Variants in ADAM18 observed in about 807,000 individuals in gnomAD.
The protein encoded by ADAM18 is ADAM metallopeptidase domain 18.
Under a neutral mutation model 94.4 loss-of-function variants are expected in ADAM18, and 117 were observed. The observed-to-expected ratio is 1.24, with a 90% confidence interval of 1.07 to 1.45. The LOEUF (loss-of-function observed/expected upper bound fraction) is 1.45. Ranked by LOEUF, ADAM18 falls within the 40% of genes most tolerant of loss-of-function variation. The pLI is 0.00. For missense variants in ADAM18, 936 were observed against 880.0 expected, an observed-to-expected ratio of 1.06 and a Z score of -0.81; for synonymous variants, 327 against 291.6, an observed-to-expected ratio of 1.12 and a Z score of -1.24.
At chr8:39,702,848 G>T in intron 17 of ADAM18, among the ~76,000 whole-genome samples, 1 of 152,112 alleles carries the variant, frequency 6.6e-6, no homozygotes, top group East Asian at 1.9e-4. Flanking sequence ...TATGTGTTCT[G>T]TCCTTGTACC....
At chr8:39,724,361 G>A (rs758929813) in intron 19 of ADAM18, among the ~76,000 whole-genome samples, 13 of 151,714 alleles carry the variant, frequency 8.6e-5, no homozygotes, top group East Asian at 1.9e-4. Context: ...AAAGTTATTC[G>A]TAGTATTTTC....
chr8:39,704,392 G>C (rs1245032959), intron 17 of ADAM18, among the ~76,000 whole-genome samples: 1 of 152,022 alleles, frequency 6.6e-6, no homozygotes, highest in East Asian at 1.9e-4. Flanking sequence ...CAGGATGCAA[G>C]GTTGGTTCAA....
At chr8:39,683,175 C>T (rs1434203119) in intron 16 of ADAM18, among the ~76,000 whole-genome samples, 2 of 152,150 alleles carry the variant, frequency 1.3e-5, no homozygotes, top group African/African-American at 4.8e-5. Context: ...AAGAGTAATA[C>T]ATGGGAAGAA....
At chr8:39,719,888 T>C (rs925567523) in intron 18 of ADAM18, among the ~76,000 whole-genome samples, 1 of 151,496 alleles carries the variant, frequency 6.6e-6, no homozygotes, top group Non-Finnish European at 1.5e-5. Flanking sequence ...AAATCAGCTA[T>C]TATACAATTT....
At chr8:39,630,669 G>T (rs1412622540) in intron 7 of ADAM18, among the ~76,000 whole-genome samples, 1 of 151,754 alleles carries the variant, frequency 6.6e-6, no homozygotes, top group Non-Finnish European at 1.5e-5. Flanking sequence ...ACCACAATTT[G>T]GTGCTATTAT....
chr8:39,695,539 G>T (rs868281691), intron 17 of ADAM18, among the ~76,000 whole-genome samples: 2 of 151,292 alleles, frequency 1.3e-5, no homozygotes, highest in Middle Eastern at 6.8e-3. Context: ...TATCTTCTAT[G>T]ATGAAGCATC....
Position 39,585,303 on chromosome 8 carries a change from C to A in ADAM18, c.83C>A (p.Thr28Lys), listed in dbSNP as rs1185576063. The change falls in exon 2 of 20, where the codon ACA (threonine) becomes AAA (lysine). Residue 28 changes from threonine (T) to lysine (K), a missense_variant. By Grantham distance (78) the Thr-to-Lys change is moderately conservative. Coordinates refer to ENST00000265707, the MANE Select transcript of ADAM18 (RefSeq NM_014237.3). ...TCTGAAGGAATATTTCTGCATGTCA[C>A]AGTTCCACGGAAGATTAAGTCAAAT... ...EGSEGIFLHV[T>K]VPRKIKSNDS... The A allele has an allele frequency of 6.2e-7, 1 of 1,613,242 alleles. No homozygotes were observed. Among genetic ancestry groups the A allele is most frequent in the Non-Finnish European group, 8.5e-7 (1 of 1,179,688 alleles).
At chr8:39,692,106 A>T (rs1351656005) in intron 16 of ADAM18, among the ~76,000 whole-genome samples, 1 of 151,914 alleles carries the variant, frequency 6.6e-6, no homozygotes. Context: ...CCATAATAAA[A>T]GTTTTACAAG....
At chr8:39,620,358 A>C (rs1355307691) in intron 6 of ADAM18, among the ~76,000 whole-genome samples, 760 of 44,588 alleles carry the variant, frequency 0.017, 3 homozygotes, top group African/African-American at 0.069. Flanking sequence ...CAACAAAAGC[A>C]AAAAAAAAAA....
At position 39,585,355 on chromosome 8, in the gene ADAM18, A is replaced by G; in HGVS notation, c.132+3A>G. The G allele has an allele frequency of 2.5e-6, 4 of 1,604,426 alleles. No individual in the cohort carries two copies. Among genetic ancestry groups the G allele is most frequent in the Non-Finnish European group, 3.4e-6 (4 of 1,171,718 alleles). On this transcript the variant is annotated splice_donor_region_variant and intron_variant, in intron 2 of 19. Transcript: ENST00000265707. ...ACAGTGAAGTTTCAGAGAGGAAGGT[A>G]AATGATGAGGAATATTTATTCTATA...
chr8:39,641,493 C>T (rs1820234182), intron 10 of ADAM18, among the ~76,000 whole-genome samples: 1 of 152,010 alleles, frequency 6.6e-6, no homozygotes, highest in Non-Finnish European at 1.5e-5. Flanking sequence ...TCCTCCTACC[C>T]TCCATCCTCT....
intron 19 of ADAM18, among the ~76,000 whole-genome samples, chr8:39,729,566 G>A (rs1020268929): frequency 6.6e-6 from 1 of 151,974 alleles, no homozygotes; most frequent in Non-Finnish European, 1.5e-5. Context: ...AATGGATTTT[G>A]ATTGTTTTTA....
intron 11 of ADAM18, among the ~76,000 whole-genome samples, chr8:39,645,837 AGATAACTTCT>A (rs1460863086): frequency 6.6e-6 from 1 of 152,152 alleles, no homozygotes; most frequent in Non-Finnish European, 1.5e-5. Context: ...TCCAGGTAGA[AGATAACTTCT>A]GAGTCCATAT....
At chr8:39,651,733 A>G (rs919406641) in intron 12 of ADAM18, among the ~76,000 whole-genome samples, 1 of 152,194 alleles carries the variant, frequency 6.6e-6, no homozygotes, top group Non-Finnish European at 1.5e-5. Flanking sequence ...AGACACAGTA[A>G]CAGTCTGGTC....
chr8:39,657,560 C>G (rs1820723079), intron 12 of ADAM18, among the ~76,000 whole-genome samples: 1 of 152,138 alleles, frequency 6.6e-6, no homozygotes, highest in Admixed American at 6.5e-5. Context: ...AAGTGATCCA[C>G]CCGCTTTGGC....
At chr8:39,597,057 C>T (rs373429415) in intron 2 of ADAM18, among the ~76,000 whole-genome samples, 12 of 152,100 alleles carry the variant, frequency 7.9e-5, no homozygotes, top group African/African-American at 2.9e-4. Flanking sequence ...TGACATATGT[C>T]TTATTTGCTT....
At chr8:39,644,836 T>G (rs1190865868) in intron 10 of ADAM18, among the ~76,000 whole-genome samples, 1 of 152,146 alleles carries the variant, frequency 6.6e-6, no homozygotes, top group Non-Finnish European at 1.5e-5. Flanking sequence ...GAGTACTTTA[T>G]TTTCTTAAAA....
intron 17 of ADAM18, among the ~76,000 whole-genome samples, chr8:39,696,713 C>A (rs1821936792): frequency 6.6e-6 from 1 of 151,460 alleles, no homozygotes; most frequent in Admixed American, 6.6e-5. Context: ...CTCTATTCTC[C>A]ATTTGTCTAT....
intron 12 of ADAM18, among the ~76,000 whole-genome samples, chr8:39,662,354 A>G (rs1175919752): frequency 2.0e-5 from 3 of 152,128 alleles, no homozygotes. Context: ...TTACAATTTC[A>G]ACTTCTGCTC....
Sources: gnomAD v4.1 joint callset for allele counts (sites outside exome capture counted in the v4.1 genomes callset) on GRCh38, gnomAD v4.1.1 for gene constraint, MANE v1.5 for transcripts, NCBI Gene and HGNC (gene_info 2026-07-23, HGNC 2026-07-21) for gene names.